The following COL4A5 variants were observed in gnomAD, a reference collection of about 807,000 sequenced individuals.
The protein encoded by COL4A5 is collagen alpha-5(IV) chain.
A neutral mutation model predicts 130.2 loss-of-function variants in COL4A5; 26 were observed. The ratio of observed to expected loss-of-function variants is 0.20; its 90% CI spans 0.15 to 0.28. The LOEUF is 0.28. Among genes scored for constraint, COL4A5 ranks in the 10% least tolerant of loss-of-function variants. The pLI is 1.00. For synonymous variants in COL4A5, 496 were observed against 439.6 expected, an observed-to-expected ratio of 1.13 and a Z score of -1.60; for missense variants, 1,131 against 1,344.3, an observed-to-expected ratio of 0.84 and a Z score of 2.48.
intron 33 of COL4A5, among the ~76,000 whole-genome samples, 196 bp from the exon 34 acceptor site, chrX:108,624,040 G>C (rs1486376227): frequency 8.9e-6 from 1 of 112,094 alleles, no homozygotes; most frequent in Admixed American, 9.5e-5. Flanking sequence ...TGAGTGCTCT[G>C]AATTTCTTGA....
At chrX:108,468,959 C>G (rs1323263897) in intron 1 of COL4A5, among the ~76,000 whole-genome samples, 1 of 110,763 alleles carries the variant, frequency 9.0e-6, no homozygotes, top group East Asian at 2.8e-4. Flanking sequence ...GTAGAATTCA[C>G]TAGTGAAGCT....
At chrX:108,685,811 A>G (rs1385191047) in intron 47 of COL4A5, among the ~76,000 whole-genome samples, 1 of 112,157 alleles carries the variant, frequency 8.9e-6, no homozygotes, top group Non-Finnish European at 1.9e-5. Context: ...AGAGAGCACA[A>G]CTCCATTAAA....
At chrX:108,648,918 G>T (rs1400542564) in intron 36 of COL4A5, among the ~76,000 whole-genome samples, 1 of 111,003 alleles carries the variant, frequency 9.0e-6, no homozygotes, top group South Asian at 3.8e-4. Context: ...AAGAAAAAAA[G>T]AACATCCAAA....
At chrX:108,569,713 T>C (rs1378538309) in intron 6 of COL4A5, among the ~76,000 whole-genome samples, 2 of 111,554 alleles carry the variant, frequency 1.8e-5, no homozygotes, top group African/African-American at 6.5e-5. Context: ...AGAGTCTTGC[T>C]CTGTTGCCCA....
At chrX:108,440,544 G>C (rs1282640814) in intron 1 of COL4A5, 1 of 243,357 alleles carries the variant, frequency 4.1e-6, no homozygotes, top group Non-Finnish European at 7.2e-6. Flanking sequence ...CTCCACCGTC[G>C]GGTGTTTCCC....
At chrX:108,579,793 A>G (rs2066211459) in intron 13 of COL4A5, among the ~76,000 whole-genome samples, 2 of 112,029 alleles carry the variant, frequency 1.8e-5, no homozygotes, top group Non-Finnish European at 3.8e-5. Flanking sequence ...CCCAAAATAT[A>G]TGTATGCCGT....
chrX:108,509,708 G>T (rs1018302512), intron 1 of COL4A5, among the ~76,000 whole-genome samples: 1 of 111,982 alleles, frequency 8.9e-6, no homozygotes, highest in Non-Finnish European at 1.9e-5. Context: ...CTGTTGGTGG[G>T]TCTGTAAAGT....
intron 1 of COL4A5, among the ~76,000 whole-genome samples, chrX:108,513,456 G>A (rs1046960985): frequency 1.8e-5 from 2 of 111,939 alleles, no homozygotes; most frequent in African/African-American, 6.5e-5. Context: ...GTATCTCAAT[G>A]TGCTTTTAAT....
intron 2 of COL4A5, among the ~76,000 whole-genome samples, chrX:108,549,633 G>A (rs1236906435): frequency 9.0e-6 from 1 of 111,354 alleles, no homozygotes; most frequent in Non-Finnish European, 1.9e-5. Context: ...TAGAAAAGAA[G>A]AAAGATTTAA....
At position 108,584,288 on chromosome X, in the gene COL4A5, C is replaced by T. The variant is rs61336862; in HGVS notation, c.991-196C>T. 0.1 allele frequency among the ~76,000 whole-genome samples: 11,526 copies of T among 110,195 alleles called. 1,298 individuals are homozygous for T. Among genetic ancestry groups the T allele is most frequent in the African/African-American group, 0.34 (10,176 of 30,225 alleles). On this transcript the variant is annotated intron_variant, in intron 17 of 52. Transcript: ENST00000328300. Reference sequence around the variant, plus strand: ...AAGTTAATTAACTTGGTGAAGATTACATAGCTAGTAAATCTGAGACACCAT... The same window carrying T: ...AAGTTAATTAACTTGGTGAAGATTATATAGCTAGTAAATCTGAGACACCAT...
intron 16 of COL4A5, among the ~76,000 whole-genome samples, chrX:108,582,156 C>T (rs770629437): frequency 9.0e-6 from 1 of 111,412 alleles, no homozygotes; most frequent in South Asian, 3.7e-4. Context: ...TTTTACTAAA[C>T]AGGCAATCCT....
At chrX:108,476,943 A>G (rs1050820946) in intron 1 of COL4A5, among the ~76,000 whole-genome samples, 10 of 111,503 alleles carry the variant, frequency 9.0e-5, no homozygotes, top group African/African-American at 2.3e-4. Context: ...TGTATATTGC[A>G]TTAGTTGGGG....
At position 108,552,912 on chromosome X, in the gene COL4A5, A is replaced by G. The variant is rs747457380; in HGVS notation, c.142-6152A>G. Among the ~76,000 whole-genome samples, 58 of 112,409 alleles carry G rather than the reference A, an allele frequency of 5.2e-4. No individual in the cohort carries two copies. The South Asian group carries it at 0.021, about 40-fold the overall frequency. ...TAAACAAGATAGTGTGCTATTAGCC[A>G]AATGATAGACATATAGATGAATGGG... On this transcript the variant is annotated intron_variant, in intron 2 of 52. Transcript: ENST00000328300.
At position 108,586,645 on chromosome X, in the gene COL4A5, A is replaced by G; in HGVS notation, c.1063A>G (p.Ile355Val). 5.8e-6 allele frequency: 7 copies of G among 1,207,003 alleles called. No homozygotes were observed. The highest frequency in any genetic ancestry group is 7.8e-6 in the Non-Finnish European group (7 of 891,954). ...TCCTAGACCTGGGACTGGTATAACTATAGGAGAAAAAGGAAACATTGGGTT... is the reference window on the plus strand; with the variant it reads ...TCCTAGACCTGGGACTGGTATAACTGTAGGAGAAAAAGGAAACATTGGGTT... ...VIPRPGTGITIGEKGNIGLPG... is the reference protein window; with the variant it reads ...VIPRPGTGITVGEKGNIGLPG... The change falls in exon 19 of 53, where the codon ATA (isoleucine) becomes GTA (valine). Residue 355 changes from isoleucine to valine, a missense_variant. Transcript: ENST00000328300.
At chrX:108,539,413 TTTG>T (rs2065502651) in intron 1 of COL4A5, among the ~76,000 whole-genome samples, 1 of 111,896 alleles carries the variant, frequency 8.9e-6, no homozygotes, top group African/African-American at 3.2e-5. Context: ...TGCATGGGTT[TTTG>T]TTGTTGTAAG....
At chrX:108,621,717 A>G (rs1459242145) in intron 31 of COL4A5, 86 bp from the exon 32 acceptor site, 1 of 732,505 alleles carries the variant, frequency 1.4e-6, no homozygotes, top group African/African-American at 2.1e-5. Flanking sequence ...AACCCTCAAT[A>G]GTTTTCTGGT....
At chrX:108,588,149 T>C (rs1280461933) in intron 19 of COL4A5, among the ~76,000 whole-genome samples, 1 of 111,292 alleles carries the variant, frequency 9.0e-6, no homozygotes, top group African/African-American at 3.3e-5. Context: ...TTTATTTGAA[T>C]GTTCTCTGAA....
chrX:108,537,377 G>T (rs1855905477), intron 1 of COL4A5, among the ~76,000 whole-genome samples: 1 of 111,491 alleles, frequency 9.0e-6, no homozygotes. Context: ...GTTTTAATCT[G>T]TGCTCTCTCT....
intron 35 of COL4A5, 56 bp from the exon 36 acceptor site, chrX:108,626,154 T>C: frequency 8.8e-7 from 1 of 1,135,435 alleles, no homozygotes; most frequent in Non-Finnish European, 1.2e-6. Context: ...GCATCTTAGA[T>C]AATCCACAAG....
Sources: gnomAD v4.1 joint callset for allele counts (sites outside exome capture counted in the v4.1 genomes callset) on GRCh38, gnomAD v4.1.1 for gene constraint, MANE v1.5 for transcripts, NCBI Gene and HGNC (gene_info 2026-07-23, HGNC 2026-07-21) for gene names.